The following ARHGAP6 variants were observed in gnomAD, a reference collection of about 807,000 sequenced individuals.
ARHGAP6 encodes rho GTPase-activating protein 6.
Under a neutral mutation model 55.7 loss-of-function variants are expected in ARHGAP6, and 16 were observed. That is an observed-to-expected ratio of 0.29 (90% CI 0.19 to 0.44). ARHGAP6 has a LOEUF of 0.44. ARHGAP6 is among the 20% of genes least tolerant of loss of function. The probability of loss-of-function intolerance (pLI) is 1.00; values close to 1 mark genes in which losing one functional copy is unlikely to be tolerated. For missense variants in ARHGAP6, 698 were observed against 808.9 expected, an observed-to-expected ratio of 0.86 and a Z score of 1.66; for synonymous variants, 382 against 360.9, an observed-to-expected ratio of 1.06 and a Z score of -0.66.
intron 1 of ARHGAP6, among the ~76,000 whole-genome samples, chrX:11,356,107 A>G (rs2048927299): frequency 9.0e-6 from 1 of 110,962 alleles, no homozygotes; most frequent in African/African-American, 3.3e-5. Flanking sequence ...TTAACTTTCT[A>G]CTTTTGCTCC....
chrX:11,335,513 T>A (rs151161666), intron 1 of ARHGAP6, among the ~76,000 whole-genome samples: 1,207 of 111,701 alleles, frequency 0.011, 9 homozygotes, highest in Middle Eastern at 0.028. Context: ...AGAATGATGG[T>A]TTCCAGCTTC....
intron 2 of ARHGAP6, among the ~76,000 whole-genome samples, chrX:11,215,380 C>T (rs1385859712): frequency 3.5e-5 from 4 of 112,789 alleles, no homozygotes; most frequent in Non-Finnish European, 7.5e-5. Flanking sequence ...CCCCAGAGGC[C>T]GCGGAGTTCA....
At chrX:11,485,107 T>A (rs2050498617) in intron 1 of ARHGAP6, among the ~76,000 whole-genome samples, 1 of 111,839 alleles carries the variant, frequency 8.9e-6, no homozygotes, top group Non-Finnish European at 1.9e-5. Context: ...ATATATGAGA[T>A]CCTTAACATT....
intron 1 of ARHGAP6, among the ~76,000 whole-genome samples, chrX:11,614,766 G>A (rs2052143782): frequency 8.9e-6 from 1 of 112,115 alleles, no homozygotes; most frequent in South Asian, 3.8e-4. Flanking sequence ...CACCAAGGGG[G>A]TAAAAATCGA....
chrX:11,634,469 C>T (rs1260792006), intron 1 of ARHGAP6, among the ~76,000 whole-genome samples: 1 of 110,886 alleles, frequency 9.0e-6, no homozygotes, highest in Admixed American at 9.6e-5. Flanking sequence ...TATCTTATGG[C>T]AATGAATTTT....
chrX:11,652,981 A>G (rs2147199845), intron 1 of ARHGAP6, among the ~76,000 whole-genome samples: 1 of 112,120 alleles, frequency 8.9e-6, no homozygotes, highest in African/African-American at 3.2e-5. Flanking sequence ...TGTAGATAGG[A>G]TTGTCTTAAC....
At chrX:11,409,777 A>G (rs933974180) in intron 1 of ARHGAP6, among the ~76,000 whole-genome samples, 1 of 112,561 alleles carries the variant, frequency 8.9e-6, no homozygotes, top group Non-Finnish European at 1.9e-5. Context: ...AGTTATAACT[A>G]AAATAAAACA....
chrX:11,284,505 G>A (rs942676241), intron 1 of ARHGAP6, among the ~76,000 whole-genome samples: 2 of 112,115 alleles, frequency 1.8e-5, no homozygotes, highest in African/African-American at 6.5e-5. Context: ...CTGTGAAAAA[G>A]GCACCACATA....
In ARHGAP6 at chrX:11,425,844, G is replaced by A. The variant is rs769740881; in HGVS notation, c.589-171137C>T. Among the ~76,000 whole-genome samples, 5 of 111,240 alleles carry A rather than the reference G, an allele frequency of 4.5e-5. No individual in the cohort carries two copies. In the East Asian group the frequency reaches 1.1e-3, roughly 25 times the overall value. Reference sequence around the variant, plus strand: ...CGTTCTCACCTTTCCTCCCCCACCCGCACTCTTGCAAATGGCAAAGACCTC... The same window carrying A: ...CGTTCTCACCTTTCCTCCCCCACCCACACTCTTGCAAATGGCAAAGACCTC... On this transcript the variant is annotated intron_variant, in intron 1 of 12. Coordinates refer to ENST00000337414, the MANE Select transcript of ARHGAP6 (RefSeq NM_013427.3).
intron 1 of ARHGAP6, among the ~76,000 whole-genome samples, chrX:11,357,839 T>C (rs1305391517): frequency 8.9e-6 from 1 of 112,122 alleles, no homozygotes; most frequent in Non-Finnish European, 1.9e-5. Flanking sequence ...ACTAGTCAGG[T>C]CTGCTTTTTC....
At chrX:11,574,414 G>T (rs1301966363) in intron 1 of ARHGAP6, among the ~76,000 whole-genome samples, 1 of 108,825 alleles carries the variant, frequency 9.2e-6, no homozygotes, top group Non-Finnish European at 1.9e-5. Flanking sequence ...TGCAAGGCTG[G>T]TTCAATATAT....
intron 10 of ARHGAP6, among the ~76,000 whole-genome samples, chrX:11,152,913 G>C (rs1366404039): frequency 8.9e-6 from 1 of 111,782 alleles, no homozygotes; most frequent in Non-Finnish European, 1.9e-5. Flanking sequence ...CAGAATCTCT[G>C]AGGGGTGGCC....
At chrX:11,598,287 C>T (rs993979214) in intron 1 of ARHGAP6, among the ~76,000 whole-genome samples, 1 of 112,171 alleles carries the variant, frequency 8.9e-6, no homozygotes, top group African/African-American at 3.2e-5. Context: ...CTGCTTTATA[C>T]ACTGACCCTT....
intron 1 of ARHGAP6, among the ~76,000 whole-genome samples, chrX:11,466,472 A>G (rs1197994641): frequency 9.0e-6 from 1 of 110,590 alleles, no homozygotes; most frequent in Non-Finnish European, 1.9e-5. Flanking sequence ...TAAATTTTAT[A>G]ATAGATACAT....
chrX:11,458,778 G>T (rs956053617), intron 1 of ARHGAP6, among the ~76,000 whole-genome samples: 2 of 111,455 alleles, frequency 1.8e-5, no homozygotes, highest in African/African-American at 3.3e-5. Flanking sequence ...AACAGGCAGA[G>T]ATTTCTGTCC....
At chrX:11,381,765 T>C (rs755660408) in intron 1 of ARHGAP6, among the ~76,000 whole-genome samples, 6 of 111,978 alleles carry the variant, frequency 5.4e-5, no homozygotes, top group African/African-American at 1.9e-4. Context: ...AGAATAAAAA[T>C]ATCTGCTGGC....
chrX:11,255,190 T>C (rs2047477845), intron 1 of ARHGAP6, among the ~76,000 whole-genome samples: 1 of 111,670 alleles, frequency 9.0e-6, no homozygotes, highest in Admixed American at 9.6e-5. Context: ...GTGATATTTC[T>C]ATACATATGG....
At chrX:11,536,121 C>A (rs1181773168) in intron 1 of ARHGAP6, among the ~76,000 whole-genome samples, 2 of 111,713 alleles carry the variant, frequency 1.8e-5, no homozygotes, top group Non-Finnish European at 3.8e-5. Context: ...GCCAACCAAC[C>A]AGTGTAGAGG....
At chrX:11,233,774 T>C (rs1298233747) in intron 2 of ARHGAP6, among the ~76,000 whole-genome samples, 1 of 112,343 alleles carries the variant, frequency 8.9e-6, no homozygotes, top group Non-Finnish European at 1.9e-5. Flanking sequence ...AATTATCCAG[T>C]AAAAACCATC....
Sources: allele counts gnomAD v4.1 joint callset (sites outside exome capture counted in the v4.1 genomes callset), GRCh38; gene constraint gnomAD v4.1.1; transcripts MANE v1.5; gene names NCBI Gene and HGNC (gene_info 2026-07-23, HGNC 2026-07-21).